The following AUH variants were observed in gnomAD, a reference collection of about 807,000 sequenced individuals.
AUH encodes the protein AU RNA binding methylglutaconyl-CoA hydratase, also known as methylglutaconyl-CoA hydratase, mitochondrial.
Under a neutral mutation model 42.3 loss-of-function variants are expected in AUH, and 29 were observed. The observed-to-expected ratio is 0.69, with a 90% CI of 0.51 to 0.93. The LOEUF (loss-of-function observed/expected upper bound fraction) is 0.93, where lower values mean the gene tolerates loss of function less well. AUH is among the 40% of genes least tolerant of loss of function. The pLI, the probability that AUH is intolerant of heterozygous loss-of-function variation, is 0.00. For synonymous variants in AUH, 174 were observed against 166.4 expected, an observed-to-expected ratio of 1.05 and a Z score of -0.35; for missense variants, 452 against 438.1, an observed-to-expected ratio of 1.03 and a Z score of -0.28.
At chr9:91,286,093 T>A (rs2131593096) in intron 6 of AUH, among the ~76,000 whole-genome samples, 1 of 152,276 alleles carries the variant, frequency 6.6e-6, no homozygotes, top group Non-Finnish European at 1.5e-5. Context: ...AAATTTACCC[T>A]CACAGGATAA....
Position 91,216,119 on chromosome 9 carries a change from A to T in AUH, c.895-13T>A. 1 of 1,611,142 alleles carries T rather than the reference A, an allele frequency of 6.2e-7. No homozygotes were observed. The highest frequency in any genetic ancestry group is 8.5e-7 in the Non-Finnish European group (1 of 1,177,942). On this transcript the variant is annotated splice_polypyrimidine_tract_variant and intron_variant, in intron 8 of 9. Transcript: ENST00000375731. ...TTACTAAATCGACCTGAGAATAAAA[A>T]CATAATCCATTTCAGCAGAAATAAC...
At chr9:91,251,437 G>C (rs1829121092) in intron 6 of AUH, among the ~76,000 whole-genome samples, 1 of 152,324 alleles carries the variant, frequency 6.6e-6, no homozygotes, top group East Asian at 1.9e-4. Flanking sequence ...ACTCATAGGA[G>C]ATTTACTCAT....
At chr9:91,219,904 C>T (rs1209024676) in intron 7 of AUH, among the ~76,000 whole-genome samples, 1 of 152,170 alleles carries the variant, frequency 6.6e-6, no homozygotes, top group African/African-American at 2.4e-5. Context: ...CCAAAAAGAT[C>T]CACAGCCCAC....
At chr9:91,226,092 T>C (rs1425266251) in intron 6 of AUH, among the ~76,000 whole-genome samples, 1 of 148,014 alleles carries the variant, frequency 6.8e-6, no homozygotes, top group African/African-American at 2.5e-5. Flanking sequence ...GGTCAAATGG[T>C]ATTTCTAGTT....
Position 91,294,948 on chromosome 9 carries a change from C to T in AUH, c.655+1073G>A, listed in dbSNP as rs573287269. Among the ~76,000 whole-genome samples the T allele has an allele frequency of 1.5e-3, 229 of 152,278 alleles. 1 individual carries two copies. Among genetic ancestry groups the T allele is most frequent in the African/African-American group, 4.9e-3 (204 of 41,566 alleles). On this transcript the variant is annotated intron_variant, in intron 6 of 9. Transcript: ENST00000375731. ...GGTTTGGCTGTGTCCCCACCCAAAT[C>T]TCATCCTGAATTGTAGCTCCCATAA...
At chr9:91,255,279 A>T (rs548032740) in intron 6 of AUH, among the ~76,000 whole-genome samples, 45 of 152,352 alleles carry the variant, frequency 3.0e-4, no homozygotes, top group African/African-American at 1.1e-3. Flanking sequence ...CAAAAACTCT[A>T]AGAGCGATCA....
At chr9:91,344,972 C>T (rs533223210) in intron 3 of AUH, among the ~76,000 whole-genome samples, 2 of 150,586 alleles carry the variant, frequency 1.3e-5, no homozygotes, top group Non-Finnish European at 3.0e-5. Context: ...TTAATAGATG[C>T]CAAAAAGAGA....
chr9:91,231,617 G>A (rs1050831789), intron 6 of AUH, among the ~76,000 whole-genome samples: 1 of 152,116 alleles, frequency 6.6e-6, no homozygotes, highest in African/African-American at 2.4e-5. Flanking sequence ...TTAAGCAGTG[G>A]AATTAAAAAA....
chr9:91,321,781 A>C (rs1413548736), intron 4 of AUH, among the ~76,000 whole-genome samples: 1 of 152,216 alleles, frequency 6.6e-6, no homozygotes, highest in Non-Finnish European at 1.5e-5. Flanking sequence ...ATAAAAATCA[A>C]ATGAAATTCA....
chr9:91,292,756 T>C (rs934067621), intron 6 of AUH, among the ~76,000 whole-genome samples: 2 of 152,234 alleles, frequency 1.3e-5, no homozygotes, highest in African/African-American at 2.4e-5. Context: ...AGAACTACCA[T>C]CTTCACTGTC....
At chr9:91,247,437 G>A (rs1317260387) in intron 6 of AUH, among the ~76,000 whole-genome samples, 2 of 151,916 alleles carry the variant, frequency 1.3e-5, no homozygotes, top group Non-Finnish European at 2.9e-5. Flanking sequence ...ACAGCTGCAC[G>A]CCTACAGTAC....
chr9:91,239,603 T>C (rs528872990), intron 6 of AUH, among the ~76,000 whole-genome samples: 78 of 152,312 alleles, frequency 5.1e-4, no homozygotes, highest in Non-Finnish European at 8.5e-4. Context: ...TGAACAAACA[T>C]GGCATGTTTA....
At chr9:91,279,211 G>A (rs912919410) in intron 6 of AUH, among the ~76,000 whole-genome samples, 1 of 152,116 alleles carries the variant, frequency 6.6e-6, no homozygotes, top group Non-Finnish European at 1.5e-5. Context: ...TCCTTACAAC[G>A]TGCCAGGTAA....
rs868491442 is a variant in AUH, at chr9:91,355,966, G to A, written c.335C>T (p.Ser112Leu). ...AGATTTCAAAGCATCCACAGCTTTT[G>A]ATAGCTAAACAGAAATAGGAAGCAT... is the stretch of plus-strand genomic sequence containing the variant. Reference protein sequence around the residue: ...SLSKNLIKMLSKAVDALKSDK... With the variant: ...SLSKNLIKMLLKAVDALKSDK... The change falls in exon 3 of 10, where the codon TCA becomes TTA. Residue 112 changes from serine (S) to leucine (L), a missense_variant. Transcript: ENST00000375731. The A allele has an allele frequency of 2.5e-6, 4 of 1,611,584 alleles. No individual in the cohort carries two copies. The African/African-American group carries it at 5.4e-5, about 22-fold the overall frequency.
intron 4 of AUH, among the ~76,000 whole-genome samples, chr9:91,308,542 T>C (rs569381351): frequency 6.6e-6 from 1 of 152,348 alleles, no homozygotes; most frequent in East Asian, 1.9e-4. Context: ...TAAAGTGTTC[T>C]ACCAATTAAT....
At chr9:91,360,639 T>C (rs192182864) in intron 1 of AUH, among the ~76,000 whole-genome samples, 8 of 152,342 alleles carry the variant, frequency 5.3e-5, no homozygotes, top group Non-Finnish European at 1.0e-4. Flanking sequence ...TATTAAAGAA[T>C]GCCTTGGAAC....
chr9:91,333,623 G>A lies in AUH; in HGVS notation c.419-8219C>T, dbSNP rs144256438. On this transcript the variant is annotated intron_variant, in intron 3 of 9. Coordinates refer to ENST00000375731, the MANE Select transcript of AUH (RefSeq NM_001698.3). The stretch of plus-strand genomic sequence containing the variant: ...GAGTATTATTTACTGCTAGAGTGAG[G>A]CAGGATTTACCATCAATTTTACTCA... Among the ~76,000 whole-genome samples the A allele has an allele frequency of 4.6e-5, 7 of 152,178 alleles. No individual in the cohort carries two copies. In the East Asian group the frequency reaches 1.2e-3, roughly 25 times the overall value.
At chr9:91,288,145 T>C (rs1296207499) in intron 6 of AUH, among the ~76,000 whole-genome samples, 3 of 152,022 alleles carry the variant, frequency 2.0e-5, no homozygotes, top group Admixed American at 6.6e-5. Context: ...CCTTAACAAA[T>C]TACCTTAGTA....
Position 91,230,051 on chromosome 9 carries a change from C to T in AUH, c.656-9059G>A, listed in dbSNP as rs867595063. On this transcript the variant is annotated intron_variant, in intron 6 of 9. Transcript: ENST00000375731. The stretch of plus-strand genomic sequence containing the variant: ...TTATGTGTCTTGGAGTTGCTCTTCT[C>T]GAGGAGTATCTTTGTGGCGTTCTCT... Among the ~76,000 whole-genome samples, 32 of 151,250 alleles carry T rather than the reference C, an allele frequency of 2.1e-4. No individual in the cohort carries two copies. In the South Asian group the frequency reaches 4.0e-3, roughly 19 times the overall value.
Sources: allele counts gnomAD v4.1 joint callset (sites outside exome capture counted in the v4.1 genomes callset), GRCh38; gene constraint gnomAD v4.1.1; transcripts MANE v1.5; gene names NCBI Gene and HGNC (gene_info 2026-07-23, HGNC 2026-07-21).